TRDMT1: variants seen among roughly 807,000 people sequenced by gnomAD.
The protein encoded by TRDMT1 is tRNA (cytosine(38)-C(5))-methyltransferase.
A neutral mutation model predicts 51.2 loss-of-function variants in TRDMT1; 49 were observed. That is an observed-to-expected ratio of 0.96 (90% CI 0.76 to 1.21). The LOEUF (loss-of-function observed/expected upper bound fraction) is 1.21, where lower values mean the gene tolerates loss of function less well. Ranked by LOEUF, TRDMT1 falls within the 50% of genes most tolerant of loss-of-function variation. The pLI is 0.00. For synonymous variants in TRDMT1, 187 were observed against 164.6 expected, an observed-to-expected ratio of 1.14 and a Z score of -1.04; for missense variants, 534 against 462.3, an observed-to-expected ratio of 1.16 and a Z score of -1.42.
chr10:17,179,771 A>T (rs1003015405), intron 1 of TRDMT1, among the ~76,000 whole-genome samples: 9 of 140,826 alleles, frequency 6.4e-5, no homozygotes, highest in South Asian at 2.3e-4. Flanking sequence ...AAAAAAAAAA[A>T]GGAAAAACAG....
Position 17,142,830 on chromosome 10 carries a change from G to C in TRDMT1, c.*6210C>G, listed in dbSNP as rs1837794818. On this transcript the variant is annotated 3_prime_UTR_variant, in exon 11 of 11. Transcript: ENST00000377799. ...CCTCTAGTCTTGGGGTCCCTCCGCA[G>C]TGTGTCTTCCTGGTCCCACCTTTCA... The C allele has an allele frequency of 3.1e-6, 1 of 320,424 alleles. No individual in the cohort carries two copies. Among genetic ancestry groups the C allele is most frequent in the East Asian group, 1.7e-4 (1 of 5,944 alleles). 19.8% of individuals were successfully genotyped at this position (320,424 alleles called of 1,614,324 possible).
At chr10:17,153,146 C>T in intron 10 of TRDMT1, 1 of 351,290 alleles carries the variant, frequency 2.8e-6, no homozygotes, top group Non-Finnish European at 5.1e-6. Flanking sequence ...AGCATTCTTT[C>T]ACAAGCTCTA....
chr10:17,157,893 T>C, intron 7 of TRDMT1, 109 bp from the exon 8 acceptor site: 1 of 813,702 alleles, frequency 1.2e-6, no homozygotes, highest in Non-Finnish European at 1.9e-6. Context: ...CTTTATGGGG[T>C]TGCCATTAAA....
At chr10:17,163,368 G>A (rs1290404048) in intron 3 of TRDMT1, among the ~76,000 whole-genome samples, 1 of 152,060 alleles carries the variant, frequency 6.6e-6, no homozygotes, top group East Asian at 1.9e-4. Flanking sequence ...GGGTTCAAAA[G>A]CATGTGTATA....
chr10:17,161,599 AAAAGT>A (rs151076824), intron 4 of TRDMT1, 51 bp from the exon 5 acceptor site: 470,124 of 935,774 alleles, frequency 0.5, 122,113 homozygotes, highest in South Asian at 0.58. Flanking sequence ...ACTAAGAAGA[AAAAGT>A]AAAGAAAATC....
intron 7 of TRDMT1, among the ~76,000 whole-genome samples, chr10:17,158,834 T>C (rs1367629049): frequency 1.3e-5 from 2 of 152,042 alleles, no homozygotes; most frequent in Non-Finnish European, 2.9e-5. Flanking sequence ...AAATGCAAAA[T>C]AGTCAACGGT....
intron 8 of TRDMT1, among the ~76,000 whole-genome samples, chr10:17,155,952 A>G (rs549539857): frequency 6.6e-6 from 1 of 152,310 alleles, no homozygotes; most frequent in East Asian, 1.9e-4. Flanking sequence ...ATTTTATGAG[A>G]GTCCTAAACA....
At chr10:17,162,117 C>T in intron 4 of TRDMT1, 49 bp downstream of exon 4, 1 of 1,496,970 alleles carries the variant, frequency 6.7e-7, no homozygotes, top group Non-Finnish European at 9.2e-7. Flanking sequence ...TCTTCCAGAC[C>T]TGGAGTTTCA....
chr10:17,160,479 T>C (rs954402638), intron 5 of TRDMT1, 105 bp from the exon 6 acceptor site: 4 of 764,832 alleles, frequency 5.2e-6, no homozygotes, highest in Non-Finnish European at 7.7e-6. Context: ...CTTGTTTTTT[T>C]GGTTTTTTTT....
intron 10 of TRDMT1, chr10:17,152,176 T>C: frequency 9.7e-7 from 1 of 1,028,652 alleles, no homozygotes; most frequent in East Asian, 6.1e-5. Flanking sequence ...TCTCAGCTCT[T>C]CTATTTGTTT....
chr10:17,191,781 T>A (rs775521120), intron 1 of TRDMT1, among the ~76,000 whole-genome samples: 2 of 152,060 alleles, frequency 1.3e-5, no homozygotes, highest in Non-Finnish European at 2.9e-5. Flanking sequence ...ATCCTGTCTG[T>A]TATTGGTCAA....
intron 10 of TRDMT1, chr10:17,150,692 G>C (rs1334780215): frequency 1.0e-6 from 1 of 984,610 alleles, no homozygotes; most frequent in East Asian, 1.1e-4. Context: ...ATGAGGACAG[G>C]AAGGTAGAAT....
chr10:17,145,571 C>CT lies in TRDMT1; in HGVS notation c.*3468dup, dbSNP rs1385789604. 1 of 985,266 alleles carries CT rather than the reference C, an allele frequency of 1.0e-6. No individual in the cohort carries two copies. The highest frequency in any genetic ancestry group is 1.2e-6 in the Non-Finnish European group (1 of 829,940). The allele number at this position is 985,266 out of a possible 1,614,324, so 61.0% of individuals were successfully genotyped here. On this transcript the variant is annotated 3_prime_UTR_variant, in exon 11 of 11. Coordinates refer to ENST00000377799, the MANE Select transcript of TRDMT1 (RefSeq NM_004412.7). ...GTAAGTCAGTGTCATAACTGGTGGC[C>CT]TAAAACAGTTAGAATCCCAAGCCGA...
intron 1 of TRDMT1, among the ~76,000 whole-genome samples, chr10:17,181,889 T>C (rs1458500220): frequency 1.3e-5 from 2 of 152,216 alleles, no homozygotes; most frequent in Non-Finnish European, 2.9e-5. Flanking sequence ...CCTCCTTTTC[T>C]GGCAATAGTC....
chr10:17,155,077 G>C (rs1839312307), intron 8 of TRDMT1, among the ~76,000 whole-genome samples: 1 of 151,988 alleles, frequency 6.6e-6, no homozygotes, highest in Admixed American at 6.6e-5. Context: ...TTTAAAAAAT[G>C]AGCCAGGCGT....
chr10:17,176,347 G>A (rs11254423), intron 1 of TRDMT1, among the ~76,000 whole-genome samples: 63,394 of 151,964 alleles, frequency 0.42, 15,240 homozygotes, highest in South Asian at 0.57. Context: ...TTCAGGCAGA[G>A]TGAAAATGTA....
intron 2 of TRDMT1, chr10:17,169,330 T>A (rs1841650183): frequency 6.7e-6 from 8 of 1,189,172 alleles, no homozygotes; most frequent in Non-Finnish European, 6.4e-6. Flanking sequence ...TGTTCTTTAT[T>A]TAGCAAATGT....
chr10:17,168,940 G>GA (rs752486877), intron 2 of TRDMT1, 23 bp from the exon 3 acceptor site: 2 of 1,508,912 alleles, frequency 1.3e-6, no homozygotes, highest in East Asian at 2.3e-5. Context: ...CATTTAGGGG[G>GA]AAAAAAGAAC....
intron 1 of TRDMT1, among the ~76,000 whole-genome samples, chr10:17,189,195 T>C (rs17465759): frequency 0.058 from 8,784 of 152,268 alleles, 305 homozygotes; most frequent in Non-Finnish European, 0.084. Flanking sequence ...TATAGAAGAA[T>C]TTATGCCAAA....
Sources: gnomAD v4.1 joint callset for allele counts (sites outside exome capture counted in the v4.1 genomes callset) on GRCh38, gnomAD v4.1.1 for gene constraint, MANE v1.5 for transcripts, NCBI Gene and HGNC (gene_info 2026-07-23, HGNC 2026-07-21) for gene names.